DOCK8: variants seen among roughly 807,000 people sequenced by gnomAD.
The protein encoded by DOCK8 is dedicator of cytokinesis 8, also known as dedicator of cytokinesis protein 8.
A neutral mutation model predicts 245.6 loss-of-function variants in DOCK8; 141 were observed. That is an observed-to-expected ratio of 0.57 (90% CI 0.50 to 0.66). The LOEUF (loss-of-function observed/expected upper bound fraction) is 0.66, where lower values mean the gene tolerates loss of function less well. Ranked by LOEUF, DOCK8 falls within the 30% of genes least tolerant of loss-of-function variation. The pLI is 0.00. For missense variants in DOCK8, 2,965 were observed against 2,603.4 expected (o/e 1.14, Z -3.02); for synonymous variants, 1,168 against 970.2 (o/e 1.20, Z -3.79).
chr9:342,302 T>C (rs950717055), intron 14 of DOCK8, among the ~76,000 whole-genome samples: 4 of 129,978 alleles, frequency 3.1e-5, no homozygotes, highest in African/African-American at 1.0e-4. Context: ...TTTTTCTTTT[T>C]TTTTTTTTTT....
rs373301364 is a variant in DOCK8, at chr9:286,471, A to G, written c.167A>G (p.Tyr56Cys). The G allele has an allele frequency of 3.4e-5, 55 of 1,613,722 alleles. No homozygotes were observed. Among genetic ancestry groups the G allele is most frequent in the Non-Finnish European group, 4.4e-5 (52 of 1,179,854 alleles). ...GFPSLQLPQF[Y>C]DPVEPVDFEG... ...TCCCTGCCCCTCCAGCCTCAGTTTTATGACCCTGTGGAGCCAGTGGACTTT... is the reference window on the plus strand; with the variant it reads ...TCCCTGCCCCTCCAGCCTCAGTTTTGTGACCCTGTGGAGCCAGTGGACTTT... Residue 56 changes from tyrosine (Y) to cysteine (C), a missense_variant, in exon 3 of 48, where the codon TAT becomes TGT. By Grantham distance (194) the Tyr-to-Cys change is radical. Transcript: ENST00000432829.
intron 1 of DOCK8, among the ~76,000 whole-genome samples, chr9:256,676 T>G (rs556301131): frequency 6.6e-6 from 1 of 152,128 alleles, no homozygotes; most frequent in Admixed American, 6.5e-5. Context: ...CACCATATAT[T>G]TTTCTTGTCT....
At chr9:397,877 G>A (rs1327511920) in intron 25 of DOCK8, among the ~76,000 whole-genome samples, 5 of 152,126 alleles carry the variant, frequency 3.3e-5, no homozygotes, top group Admixed American at 2.0e-4. Flanking sequence ...TCGTTAAAGG[G>A]TATACAGTAG....
intron 30 of DOCK8, chr9:420,142 A>G (rs1428307536): frequency 1.9e-6 from 1 of 533,326 alleles, no homozygotes; most frequent in Non-Finnish European, 3.4e-6. Flanking sequence ...AGAGGTACTC[A>G]GATACGTGGC....
intron 1 of DOCK8, among the ~76,000 whole-genome samples, chr9:236,088 G>A (rs1199401940): frequency 3.3e-5 from 5 of 152,132 alleles, no homozygotes; most frequent in Non-Finnish European, 7.3e-5. Context: ...AATGCCAGTG[G>A]TTGGCCCTGC....
chr9:223,267 C>T (rs1473530475), intron 1 of DOCK8, among the ~76,000 whole-genome samples: 2 of 152,166 alleles, frequency 1.3e-5, no homozygotes, highest in Non-Finnish European at 2.9e-5. Context: ...CCCATCTCTT[C>T]GTAAGTTAGT....
At chr9:423,460 A>T (rs915552754) in intron 33 of DOCK8, among the ~76,000 whole-genome samples, 1 of 152,218 alleles carries the variant, frequency 6.6e-6, no homozygotes, top group Admixed American at 6.5e-5. Flanking sequence ...TGGGTGATGA[A>T]GCACCCATCA....
Position 441,345 on chromosome 9 carries a change from G to A in DOCK8, c.5283G>A (p.Ala1761=), listed in dbSNP as rs145109550. Residue 1761 remains alanine (A), a synonymous_variant, in exon 41 of 48, where the codon GCG becomes GCA. Coordinates refer to ENST00000432829, the MANE Select transcript of DOCK8 (RefSeq NM_203447.4). Reference sequence around the variant, plus strand: ...AGCTGGTCATCCCCATCCTAGAAGCGCATCGAGAATTCCGGAAGCTGACAC... The same window carrying A: ...AGCTGGTCATCCCCATCCTAGAAGCACATCGAGAATTCCGGAAGCTGACAC... ...VYKLVIPILE[A]HREFRKLTLT... is the part of the protein sequence containing the mutation. The A allele has an allele frequency of 2.1e-5, 34 of 1,614,062 alleles. No individual in the cohort carries two copies. The highest frequency in any genetic ancestry group is 9.3e-5 in the African/African-American group (7 of 74,924).
chr9:410,987 A>T (rs1003444417), intron 28 of DOCK8, among the ~76,000 whole-genome samples: 2 of 152,246 alleles, frequency 1.3e-5, no homozygotes, highest in East Asian at 3.8e-4. Flanking sequence ...TTAAATGGAT[A>T]AATTCCTTAA....
At chr9:309,883 A>G (rs2130667760) in intron 5 of DOCK8, among the ~76,000 whole-genome samples, 1 of 152,334 alleles carries the variant, frequency 6.6e-6, no homozygotes, top group Admixed American at 6.5e-5. Context: ...TTTATTTCCC[A>G]GTGCAGTCTC....
chr9:311,605 C>T (rs1373103701), intron 5 of DOCK8, among the ~76,000 whole-genome samples: 1 of 152,110 alleles, frequency 6.6e-6, no homozygotes, highest in Non-Finnish European at 1.5e-5. Context: ...TGGTGTGAGA[C>T]ATGAGCATGG....
At chr9:333,453 T>C (rs914339643) in intron 10 of DOCK8, among the ~76,000 whole-genome samples, 6 of 152,020 alleles carry the variant, frequency 3.9e-5, no homozygotes, top group Non-Finnish European at 5.9e-5. Flanking sequence ...TACAAAAAAT[T>C]AGCCGGGCAT....
chr9:437,661 C>A (rs556419743), intron 39 of DOCK8, among the ~76,000 whole-genome samples: 2,828 of 152,212 alleles, frequency 0.019, 79 homozygotes, highest in African/African-American at 0.064. Context: ...TTGTTCTGCT[C>A]CAATGAAATA....
chr9:430,220 C>T (rs1447746251), intron 36 of DOCK8, among the ~76,000 whole-genome samples: 1 of 151,054 alleles, frequency 6.6e-6, no homozygotes, highest in Non-Finnish European at 1.5e-5. Context: ...ACTATAAATA[C>T]AAAAATAGCC....
intron 30 of DOCK8, among the ~76,000 whole-genome samples, chr9:418,618 A>G (rs936637074): frequency 1.3e-5 from 2 of 152,126 alleles, no homozygotes; most frequent in African/African-American, 4.8e-5. Flanking sequence ...GGCATTGATT[A>G]TTTCCGCCTC....
At chr9:232,574 T>G (rs199867272) in intron 1 of DOCK8, among the ~76,000 whole-genome samples, 1 of 152,168 alleles carries the variant, frequency 6.6e-6, no homozygotes. Context: ...CAATTTCAGA[T>G]CCTGTTATTT....
At chr9:359,820 A>AG (rs1172799899) in intron 14 of DOCK8, among the ~76,000 whole-genome samples, 1 of 149,874 alleles carries the variant, frequency 6.7e-6, no homozygotes, top group Non-Finnish European at 1.5e-5. Context: ...AAAAAAAAAA[A>AG]AAAATTACAG....
At chr9:433,111 T>C (rs911753238) in intron 37 of DOCK8, among the ~76,000 whole-genome samples, 2 of 152,262 alleles carry the variant, frequency 1.3e-5, no homozygotes, top group Admixed American at 6.5e-5. Context: ...TTTCCTCTCC[T>C]CTACATCAAA....
chr9:290,750 A>G (rs2049004574), intron 4 of DOCK8, among the ~76,000 whole-genome samples: 1 of 152,190 alleles, frequency 6.6e-6, no homozygotes, highest in Non-Finnish European at 1.5e-5. Flanking sequence ...TTGACAAGAC[A>G]TTAGTAGTTT....
Sources: gnomAD v4.1 joint callset for allele counts (sites outside exome capture counted in the v4.1 genomes callset) on GRCh38, gnomAD v4.1.1 for gene constraint, MANE v1.5 for transcripts, NCBI Gene and HGNC (gene_info 2026-07-23, HGNC 2026-07-21) for gene names.